Variants in XKR4 observed in about 807,000 individuals in gnomAD.
The protein encoded by XKR4 is XK-related protein 4.
In XKR4, 12 loss-of-function variants were observed where a neutral mutation model predicts 53.9. The observed-to-expected ratio is 0.22, with a 90% CI of 0.14 to 0.36. The LOEUF is 0.36. XKR4 is among the 10% of genes least tolerant of loss of function. The pLI is 1.00. For missense variants in XKR4, 799 were observed against 859.5 expected (o/e 0.93, Z 0.88); for synonymous variants, 354 against 362.4 (o/e 0.98, Z 0.26).
At chr8:55,114,071 T>A (rs1001580329) in intron 1 of XKR4, among the ~76,000 whole-genome samples, 2 of 152,170 alleles carry the variant, frequency 1.3e-5, no homozygotes, top group Admixed American at 1.3e-4. Flanking sequence ...ACGATTTATA[T>A]TCCTTTGGGT....
chr8:55,344,794 A>G (rs1237391115), intron 1 of XKR4, among the ~76,000 whole-genome samples: 2 of 152,228 alleles, frequency 1.3e-5, no homozygotes, highest in African/African-American at 4.8e-5. Context: ...AGTGCCTACT[A>G]CAGGAGAAAT....
In XKR4 at chr8:55,523,678, T is replaced by C. The variant is rs567768011; in HGVS notation, c.1404T>C (p.Asn468=). ...ACTATTTTGTGATCCTTTTGGAAAA[T>C]ACAGCCTTGAGTGCCCTCTGGTACC... is the stretch of plus-strand genomic sequence containing the variant. ...FIYYFVILLE[N]TALSALWYLY... The change falls in exon 3 of 3, where the codon AAT becomes AAC. Residue 468 remains asparagine, a synonymous_variant. Coordinates refer to ENST00000327381, the MANE Select transcript of XKR4 (RefSeq NM_052898.2). 6.2e-7 allele frequency: 1 copy of C among 1,614,184 alleles called. No individual in the cohort carries two copies. The highest frequency in any genetic ancestry group is 8.5e-7 in the Non-Finnish European group (1 of 1,180,034).
Position 55,532,153 on chromosome 8 carries a change from T to C in XKR4, c.*7926T>C, listed in dbSNP as rs1806962260. The C allele has an allele frequency of 6.6e-6, 1 of 152,138 alleles. No individual in the cohort carries two copies. The highest frequency in any genetic ancestry group is 1.5e-5 in the Non-Finnish European group (1 of 68,028). The allele number at this position is 152,138 out of a possible 1,614,324, so 9.4% of individuals were successfully genotyped here. On this transcript the variant is annotated 3_prime_UTR_variant, in exon 3 of 3. Transcript: ENST00000327381. ...GAGTAGAAGAAAAGAGAGAAGAAAG[T>C]ATATTAACTTTTATGAGTACAGAAT... is the stretch of plus-strand genomic sequence containing the variant.
At chr8:55,361,288 G>C (rs1803902610) in intron 2 of XKR4, among the ~76,000 whole-genome samples, 2 of 152,112 alleles carry the variant, frequency 1.3e-5, no homozygotes, top group Non-Finnish European at 2.9e-5. Flanking sequence ...ACGTTGAGAG[G>C]GGGAGAGGAG....
intron 2 of XKR4, among the ~76,000 whole-genome samples, chr8:55,507,392 G>A (rs547384349): frequency 3.3e-5 from 5 of 151,622 alleles, no homozygotes; most frequent in East Asian, 1.9e-4. Context: ...GGGTACATGT[G>A]CACAATGTGC....
intron 1 of XKR4, among the ~76,000 whole-genome samples, chr8:55,246,919 C>T (rs1025644257): frequency 6.6e-6 from 1 of 151,940 alleles, no homozygotes; most frequent in Admixed American, 6.6e-5. Flanking sequence ...TGGATTTCTT[C>T]GAGGAAAATC....
At chr8:55,277,001 G>A (rs1818774068) in intron 1 of XKR4, among the ~76,000 whole-genome samples, 1 of 152,190 alleles carries the variant, frequency 6.6e-6, no homozygotes, top group Admixed American at 6.5e-5. Flanking sequence ...TAAGGACTGG[G>A]TTTCATCAGC....
At chr8:55,140,095 AAG>A (rs1322256038) in intron 1 of XKR4, 2 of 412,564 alleles carry the variant, frequency 4.8e-6, no homozygotes, top group African/African-American at 2.1e-5. Context: ...AGTACCTCTT[AAG>A]AGTTTACCAG....
intron 1 of XKR4, among the ~76,000 whole-genome samples, chr8:55,234,112 C>G (rs552550587): frequency 6.6e-6 from 1 of 152,246 alleles, no homozygotes; most frequent in East Asian, 1.9e-4. Context: ...TTCCTGTGGA[C>G]CAGGGAGACA....
At chr8:55,386,896 T>G (rs1456972398) in intron 2 of XKR4, among the ~76,000 whole-genome samples, 1 of 152,244 alleles carries the variant, frequency 6.6e-6, no homozygotes, top group Non-Finnish European at 1.5e-5. Context: ...AATCCAGATC[T>G]GATACATTGT....
intron 1 of XKR4, among the ~76,000 whole-genome samples, chr8:55,320,513 A>G (rs1232766122): frequency 1.3e-5 from 2 of 152,210 alleles, no homozygotes; most frequent in Admixed American, 6.5e-5. Flanking sequence ...TTCTGCTATT[A>G]GCATAAATAC....
At chr8:55,161,082 T>A (rs2129357039) in intron 1 of XKR4, among the ~76,000 whole-genome samples, 1 of 152,288 alleles carries the variant, frequency 6.6e-6, no homozygotes, top group Middle Eastern at 3.4e-3. Flanking sequence ...TTGGTGGTTA[T>A]CTCTTCCATT....
chr8:55,490,815 C>T (rs767373553), intron 2 of XKR4, among the ~76,000 whole-genome samples: 11 of 151,790 alleles, frequency 7.2e-5, no homozygotes, highest in Admixed American at 2.0e-4. Flanking sequence ...TGTGTGTGTG[C>T]GCACGCGCAT....
chr8:55,323,519 TA>T (rs575659000), intron 1 of XKR4, among the ~76,000 whole-genome samples: 75 of 152,372 alleles, frequency 4.9e-4, no homozygotes, highest in African/African-American at 1.7e-3. Flanking sequence ...ATTGTGTTTA[TA>T]AGTCCTCTGT....
chr8:55,202,369 C>A lies in XKR4; in HGVS notation c.806+99075C>A, dbSNP rs1004738678. Among the ~76,000 whole-genome samples the A allele has an allele frequency of 1.3e-5, 2 of 152,150 alleles. 1 individual carries two copies. The highest frequency in any genetic ancestry group is 2.9e-5 in the Non-Finnish European group (2 of 68,038). ...GAGGTTTATAAAAAGGGCGAAGCAA[C>A]GTAGTTTCTAGGCTGGAGTCATGCC... is the stretch of plus-strand genomic sequence containing the variant. On this transcript the variant is annotated intron_variant, in intron 1 of 2. Transcript: ENST00000327381.
intron 1 of XKR4, among the ~76,000 whole-genome samples, chr8:55,296,687 A>C (rs10504185): frequency 1.3e-5 from 2 of 151,806 alleles, no homozygotes; most frequent in Non-Finnish European, 2.9e-5. Context: ...GATTAGAAGA[A>C]GGAAGTAACA....
At chr8:55,392,569 T>G (rs549194933) in intron 2 of XKR4, among the ~76,000 whole-genome samples, 22 of 152,298 alleles carry the variant, frequency 1.4e-4, no homozygotes, top group Non-Finnish European at 2.5e-4. Flanking sequence ...GGCGGGTAGA[T>G]TGCTTGAGGC....
intron 2 of XKR4, among the ~76,000 whole-genome samples, chr8:55,506,195 G>C (rs889836059): frequency 6.6e-6 from 1 of 152,202 alleles, no homozygotes; most frequent in African/African-American, 2.4e-5. Flanking sequence ...TTAAACAACA[G>C]GTGTTTTCTC....
chr8:55,129,235 C>T (rs1033926114), intron 1 of XKR4, among the ~76,000 whole-genome samples: 3 of 152,226 alleles, frequency 2.0e-5, no homozygotes, highest in Non-Finnish European at 2.9e-5. Flanking sequence ...GTTACCCATA[C>T]GATATTCTGA....
Sources: gnomAD v4.1 joint callset for allele counts (sites outside exome capture counted in the v4.1 genomes callset) on GRCh38, gnomAD v4.1.1 for gene constraint, MANE v1.5 for transcripts, NCBI Gene and HGNC (gene_info 2026-07-23, HGNC 2026-07-21) for gene names.